Variants in CBY2 observed in about 807,000 individuals in gnomAD.
The protein encoded by CBY2 is protein chibby homolog 2.
A neutral mutation model predicts 25.3 loss-of-function variants in CBY2; 23 were observed. That is an observed-to-expected ratio of 0.91 (90% CI 0.65 to 1.29). The LOEUF (loss-of-function observed/expected upper bound fraction) is 1.29. CBY2 is among the 50% of genes most tolerant of loss of function. CBY2 has a pLI of 0.00. For synonymous variants in CBY2, 279 were observed against 260.2 expected, an observed-to-expected ratio of 1.07 and a Z score of -0.70; for missense variants, 642 against 590.7, an observed-to-expected ratio of 1.09 and a Z score of -0.90.
chr13:45,703,710 G>T, intron 2 of CBY2: 1 of 780,462 alleles, frequency 1.3e-6, no homozygotes. Flanking sequence ...GCAAAAATAT[G>T]GAAGAAGAAA....
At chr13:45,711,804 G>A (rs1018064946) in intron 2 of CBY2, among the ~76,000 whole-genome samples, 6 of 152,206 alleles carry the variant, frequency 3.9e-5, no homozygotes, top group African/African-American at 1.4e-4. Context: ...CTGTGGTCTT[G>A]AGGTCTATGG....
chr13:45,702,797 G>T lies in CBY2; in HGVS notation c.98G>T (p.Arg33Ile). 6.2e-7 allele frequency: 1 copy of T among 1,614,036 alleles called. No homozygotes were observed. Among genetic ancestry groups the T allele is most frequent in the Non-Finnish European group, 8.5e-7 (1 of 1,179,948 alleles). ...LTLHSRPNYT[R>I]KRDTRSESLE... ...CAGCACTCAAGGCCAAATTATACAA[G>T]AAAAAGAGATACCAGATCTGAAAGC... The change falls in exon 2 of 3, where the codon AGA becomes ATA. Residue 33 changes from arginine (R) to isoleucine (I), a missense_variant. Coordinates refer to ENST00000310521, the MANE Select transcript of CBY2 (RefSeq NM_152719.3).
Position 45,703,620 on chromosome 13 carries a change from T to C in CBY2, c.156+765T>C, listed in dbSNP as rs140547569. 374 of 1,536,074 alleles carry C rather than the reference T, an allele frequency of 2.4e-4. 3 individuals are homozygous for C. The East Asian group carries it at 7.4e-3, about 30-fold the overall frequency. The stretch of plus-strand genomic sequence containing the variant: ...ACTATCTGAGAGCTCTGTCCAGGGA[T>C]GTGTAGGAGGAGGATTGACCACTGG... On this transcript the variant is annotated intron_variant, in intron 2 of 2. Transcript: ENST00000310521.
At chr13:45,706,664 A>G (rs1479731046) in intron 2 of CBY2, among the ~76,000 whole-genome samples, 1 of 152,144 alleles carries the variant, frequency 6.6e-6, no homozygotes, top group Non-Finnish European at 1.5e-5. Flanking sequence ...ACCATGCTAC[A>G]CAGGCTGTAC....
At chr13:45,703,928 A>G (rs915690801) in intron 2 of CBY2, among the ~76,000 whole-genome samples, 1 of 152,150 alleles carries the variant, frequency 6.6e-6, no homozygotes, top group African/African-American at 2.4e-5. Flanking sequence ...TACTCCCCCA[A>G]GAGTGGGTGT....
chr13:45,706,918 T>C (rs1160489098), intron 2 of CBY2, among the ~76,000 whole-genome samples: 1 of 152,212 alleles, frequency 6.6e-6, no homozygotes, highest in Non-Finnish European at 1.5e-5. Flanking sequence ...GTAGCCCTTT[T>C]GTAAAGAAAT....
chr13:45,707,104 C>T (rs1391642297), intron 2 of CBY2, among the ~76,000 whole-genome samples: 1 of 152,058 alleles, frequency 6.6e-6, no homozygotes, highest in East Asian at 1.9e-4. Context: ...TTCTGAGAGG[C>T]AAAATGACTT....
In CBY2 at chr13:45,714,001, G is replaced by A. The variant is rs540448583; in HGVS notation, c.976G>A (p.Ala326Thr). 6.7e-6 allele frequency: 10 copies of A among 1,495,650 alleles called. No homozygotes were observed. Among genetic ancestry groups the A allele is most frequent in the Non-Finnish European group, 8.0e-6 (9 of 1,124,080 alleles). The allele number at this position is 1,495,650 out of a possible 1,614,324, so 92.6% of individuals were successfully genotyped here. The change falls in exon 3 of 3, where the codon GCC (alanine) becomes ACC (threonine). Residue 326 changes from alanine (A) to threonine (T), a missense_variant. Transcript: ENST00000310521. ...ARQEDSKELRALRKMVSNMSG... is the reference protein window; with the variant it reads ...ARQEDSKELRTLRKMVSNMSG... Reference sequence around the variant, plus strand: ...GCAGGAGGACTCCAAGGAGCTGCGCGCCCTGCGGAAGATGGTCAGCAACAT... The same window carrying A: ...GCAGGAGGACTCCAAGGAGCTGCGCACCCTGCGGAAGATGGTCAGCAACAT...
intron 2 of CBY2, among the ~76,000 whole-genome samples, chr13:45,712,939 T>A (rs901594116): frequency 1.3e-5 from 2 of 152,218 alleles, no homozygotes; most frequent in African/African-American, 4.8e-5. Flanking sequence ...CTATTTCCTG[T>A]AGGAGCAATG....
rs1950227835 is a variant in CBY2, at chr13:45,704,255, A to T, written c.156+1400A>T. Among the ~76,000 whole-genome samples, 1 of 152,088 alleles carries T rather than the reference A, an allele frequency of 6.6e-6. No individual in the cohort carries two copies. The highest frequency in any genetic ancestry group is 2.1e-4 in the South Asian group (1 of 4,826). On this transcript the variant is annotated intron_variant, in intron 2 of 2. Transcript: ENST00000310521. This position sits in a 1 kb window ranked among gnomAD's most constrained non-coding sequence, Gnocchi z 4.1. ...AGAAACAGCCCAACGATCAAGGAGA[A>T]GAGAAGGTGGTTTAAGACAGCTCAA...
chr13:45,702,501 T>C, intron 1 of CBY2, 36 bp downstream of exon 1: 1 of 1,571,652 alleles, frequency 6.4e-7, no homozygotes, highest in Non-Finnish European at 8.8e-7. Context: ...ATAATCATCT[T>C]AGACAGGGAA....
intron 2 of CBY2, among the ~76,000 whole-genome samples, chr13:45,708,596 A>C (rs893505241): frequency 1.3e-5 from 2 of 152,226 alleles, no homozygotes; most frequent in African/African-American, 4.8e-5. Context: ...GATTAAATCC[A>C]GCTAGCTCTG....
intron 2 of CBY2, among the ~76,000 whole-genome samples, chr13:45,712,858 A>G (rs984702135): frequency 6.6e-6 from 1 of 152,216 alleles, no homozygotes; most frequent in Non-Finnish European, 1.5e-5. Flanking sequence ...AATCAACAAT[A>G]CGCACTAAAT....
In CBY2 at chr13:45,713,550, G is replaced by A. The variant is rs1270832830; in HGVS notation, c.525G>A (p.Leu175=). 6.2e-7 allele frequency: 1 copy of A among 1,614,142 alleles called. No individual in the cohort carries two copies. The highest frequency in any genetic ancestry group is 2.2e-5 in the East Asian group (1 of 44,874). The change falls in exon 3 of 3, where the codon CTG becomes CTA. Residue 175 remains leucine (L), a synonymous_variant. Coordinates refer to ENST00000310521, the MANE Select transcript of CBY2 (RefSeq NM_152719.3). This position sits in a 1 kb window ranked among gnomAD's most constrained non-coding sequence, Gnocchi z 5.0. ...TGCTGCAGGAGGAGAACAAGTCTCT[G>A]CGGGAGGAGAACAAGGCCCTGCGCG... ...ECMLQEENKS[L]REENKALREE...
intron 2 of CBY2, chr13:45,703,213 G>C (rs1343463908): frequency 2.4e-6 from 3 of 1,256,010 alleles, no homozygotes; most frequent in Non-Finnish European, 3.0e-6. Context: ...AATTAGAACT[G>C]GGACTTGAAA....
Position 45,702,413 on chromosome 13 carries a change from A to G in CBY2, c.23A>G (p.Glu8Gly). MSPLECS[E>G]CFGDQLLHRT... ...GTGATGTCACCTCTGGAATGTTCTG[A>G]GTGTTTTGGTGACCAACTTCTGCAT... Residue 8 changes from glutamate (E) to glycine (G), a missense_variant, in exon 1 of 3, where the codon GAG becomes GGG. Coordinates refer to ENST00000310521, the MANE Select transcript of CBY2 (RefSeq NM_152719.3). 1 of 1,614,144 alleles carries G rather than the reference A, an allele frequency of 6.2e-7. No homozygotes were observed. The highest frequency in any genetic ancestry group is 8.5e-7 in the Non-Finnish European group (1 of 1,179,986).
chr13:45,703,553 G>C (rs1206496080), intron 2 of CBY2: 1 of 1,551,044 alleles, frequency 6.4e-7, no homozygotes, highest in Non-Finnish European at 8.7e-7. Context: ...CATGCAACCA[G>C]AGGGGTTGAA....
chr13:45,703,060 G>A lies in CBY2; in HGVS notation c.156+205G>A, dbSNP rs893097264. 1.0e-5 allele frequency: 13 copies of A among 1,304,410 alleles called. No homozygotes were observed. In the African/African-American group the frequency reaches 1.6e-4, roughly 16 times the overall value. 80.8% of individuals were successfully genotyped at this position (1,304,410 alleles called of 1,614,324 possible). On this transcript the variant is annotated intron_variant, in intron 2 of 2. Coordinates refer to ENST00000310521, the MANE Select transcript of CBY2 (RefSeq NM_152719.3). ...GCCTTGGGTTCTTTTTCCCATGAAT[G>A]AGGTGGCTGGGTCAGATGATCTGGT...
chr13:45,714,028 T>C lies in CBY2; in HGVS notation c.1003T>C (p.Ser335Pro). ...CCTGCGGAAGATGGTCAGCAACATG[T>C]CCGGGCCCTCCGGGGAGGAGGAGGC... ...RALRKMVSNM[S>P]GPSGEEEAKV... is the part of the protein sequence containing the mutation. Residue 335 changes from serine to proline, a missense_variant, in exon 3 of 3, where the codon TCC (serine) becomes CCC (proline). Transcript: ENST00000310521. 1.3e-6 allele frequency: 2 copies of C among 1,488,188 alleles called. No homozygotes were observed. The highest frequency in any genetic ancestry group is 1.8e-6 in the Non-Finnish European group (2 of 1,118,544). 92.2% of individuals were successfully genotyped at this position (1,488,188 alleles called of 1,614,324 possible).
Sources: gnomAD v4.1 joint callset for allele counts (sites outside exome capture counted in the v4.1 genomes callset) on GRCh38, gnomAD v4.1.1 for gene constraint, Gnocchi (gnomAD v3.1) non-coding constraint, MANE v1.5 for transcripts, NCBI Gene and HGNC (gene_info 2026-07-23, HGNC 2026-07-21) for gene names.